BCOR: variants seen among roughly 807,000 people sequenced by gnomAD.
BCOR encodes the protein BCL6 corepressor.
Under a neutral mutation model 86.7 loss-of-function variants are expected in BCOR, and 10 were observed. The ratio of observed to expected loss-of-function variants is 0.12; its 90% CI spans 0.07 to 0.20. The LOEUF (loss-of-function observed/expected upper bound fraction) is 0.20, where lower values mean the gene tolerates loss of function less well. BCOR is among the 10% of genes least tolerant of loss of function. The pLI, the probability that BCOR is intolerant of heterozygous loss-of-function variation, is 1.00. For missense variants in BCOR, 1,259 were observed against 1,452.1 expected (o/e 0.87, Z 2.16); for synonymous variants, 611 against 609.0 (o/e 1.00, Z -0.05).
intron 10 of BCOR, among the ~76,000 whole-genome samples, chrX:40,060,291 AG>A (rs1040078505): frequency 5.3e-5 from 6 of 112,473 alleles, no homozygotes; most frequent in Non-Finnish European, 9.4e-5. Flanking sequence ...GACCTGGGAA[AG>A]TTCTATAATG....
At chrX:40,152,737 A>G (rs1177989394) in intron 1 of BCOR, among the ~76,000 whole-genome samples, 3 of 112,674 alleles carry the variant, frequency 2.7e-5, no homozygotes, top group Non-Finnish European at 5.6e-5. Context: ...GGAGGGAGTC[A>G]GCGCCTGCCC....
Position 40,074,805 on chromosome X carries a change from T to C in BCOR, c.541A>G (p.Ile181Val), listed in dbSNP as rs745654006. The C allele has an allele frequency of 7.4e-6, 9 of 1,209,930 alleles. No homozygotes were observed. The South Asian group carries it at 1.6e-4, about 21-fold the overall frequency. ...AGCCGCAGATAACTAGCACCATTGA[T>C]GTTGAGAGGGCTCTGTTTGTCGCTG... ...PASDKQSPLNINGASYLRLPW... is the reference protein window; with the variant it reads ...PASDKQSPLNVNGASYLRLPW... The change falls in exon 4 of 15, where the codon ATC (isoleucine) becomes GTC (valine). Residue 181 changes from isoleucine (I) to valine (V), a missense_variant. This residue lies in a region of BCOR where 174 missense variants were observed against 189.3 expected (regional missense o/e 0.92). Coordinates refer to ENST00000378444, the MANE Select transcript of BCOR (RefSeq NM_001123385.2).
chrX:40,054,659 T>C (rs1259177561), intron 12 of BCOR, among the ~76,000 whole-genome samples: 1 of 111,855 alleles, frequency 8.9e-6, no homozygotes, highest in Non-Finnish European at 1.9e-5. Flanking sequence ...CCCACCACCA[T>C]GCCCAGCTAA....
In BCOR at chrX:40,064,499, G is replaced by A. The variant is rs1226506629; in HGVS notation, c.3339C>T (p.Ser1113=). The stretch of plus-strand genomic sequence containing the variant: ...AGGCCACCTGGTCTGCGGGAGGCTC[G>A]CTCACAGGCTGCCTCTCCACAAAGT... ...EKYFVERQPV[S]EPPADQVASD... Residue 1113 remains serine (S), a synonymous_variant, in exon 7 of 15, where the codon AGC becomes AGT. Coordinates refer to ENST00000378444, the MANE Select transcript of BCOR (RefSeq NM_001123385.2). 3.6e-5 allele frequency: 43 copies of A among 1,210,933 alleles called. No homozygotes were observed. Among genetic ancestry groups the A allele is most frequent in the South Asian group, 5.3e-5 (3 of 56,896 alleles).
intron 1 of BCOR, among the ~76,000 whole-genome samples, chrX:40,085,551 T>G (rs963238907): frequency 1.8e-5 from 2 of 111,341 alleles, no homozygotes; most frequent in Admixed American, 1.9e-4. Context: ...TAGAAGTCCA[T>G]GTTAAAACTT....
chrX:40,132,963 A>T (rs1412874056), intron 1 of BCOR, among the ~76,000 whole-genome samples: 3 of 111,032 alleles, frequency 2.7e-5, no homozygotes, highest in Non-Finnish European at 3.8e-5. Flanking sequence ...CTGAACTGGC[A>T]CCCCAGGTGA....
At chrX:40,138,657 C>A (rs1464458496) in intron 1 of BCOR, among the ~76,000 whole-genome samples, 1 of 109,998 alleles carries the variant, frequency 9.1e-6, no homozygotes, top group Non-Finnish European at 1.9e-5. Context: ...CGGGTTCAAG[C>A]GATTCTCCTG....
chrX:40,098,932 T>C (rs1310093870), upstream of BCOR, among the ~76,000 whole-genome samples: 1 of 112,450 alleles, frequency 8.9e-6, no homozygotes, highest in Non-Finnish European at 1.9e-5. Context: ...GAGATCCGCC[T>C]GTATTTCTCC....
At chrX:40,159,338 GT>G (rs775309354) in intron 1 of BCOR, among the ~76,000 whole-genome samples, 1 of 111,802 alleles carries the variant, frequency 8.9e-6, no homozygotes, top group East Asian at 2.8e-4. Flanking sequence ...TCATAAAAGT[GT>G]TTTTTTTGTT....
intron 1 of BCOR, among the ~76,000 whole-genome samples, chrX:40,105,057 G>C (rs1272953866): frequency 1.8e-5 from 2 of 110,297 alleles, no homozygotes; most frequent in Non-Finnish European, 3.8e-5. Context: ...TCCCTGGCTG[G>C]CGCCGGGGCG....
intron 1 of BCOR, among the ~76,000 whole-genome samples, chrX:40,103,104 G>T (rs1390095686): frequency 1.2e-5 from 1 of 80,287 alleles, no homozygotes; most frequent in Non-Finnish European, 2.1e-5. Context: ...GGGGTGGGGT[G>T]GGGGGGCTCA....
intron 6 of BCOR, among the ~76,000 whole-genome samples, chrX:40,066,934 C>A (rs76816113): frequency 8.5e-5 from 7 of 82,713 alleles, no homozygotes; most frequent in Non-Finnish European, 1.2e-4. Context: ...CCCCCCCCCC[C>A]ATCAAATCCC....
chrX:40,146,934 T>C (rs747811156), intron 1 of BCOR, among the ~76,000 whole-genome samples: 128 of 112,153 alleles, frequency 1.1e-3, no homozygotes, highest in African/African-American at 4.1e-3. Context: ...AAGTTTACTT[T>C]CAAGGAGTTG....
chrX:40,109,254 G>A (rs1160818075), intron 1 of BCOR, among the ~76,000 whole-genome samples: 2 of 112,104 alleles, frequency 1.8e-5, no homozygotes, highest in Non-Finnish European at 3.8e-5. Flanking sequence ...CCCGGTCCTC[G>A]GCGCGGGTGC....
chrX:40,083,628 G>A (rs1200162033), intron 1 of BCOR, among the ~76,000 whole-genome samples: 1 of 111,928 alleles, frequency 8.9e-6, no homozygotes, highest in Non-Finnish European at 1.9e-5. Context: ...TCAGCCCGGA[G>A]CGCGATCGGT....
Position 40,073,252 on chromosome X carries a change from T to C in BCOR, c.2094A>G (p.Pro698=). The part of the protein sequence containing the change: ...NGSLFPGHLA[P]KPGLPYGLPT... ...GAAGCCCATAGGGCAGCCCAGGCTT[T>C]GGGGCAAGGTGCCCAGGAAACAGAC... The change falls in exon 4 of 15, where the codon CCA becomes CCG. Residue 698 remains proline, a synonymous_variant. Transcript: ENST00000378444. The C allele has an allele frequency of 8.3e-7, 1 of 1,211,878 alleles. No homozygotes were observed. The highest frequency in any genetic ancestry group is 3.0e-5 in the East Asian group (1 of 33,846).
intron 1 of BCOR, among the ~76,000 whole-genome samples, chrX:40,121,842 A>T (rs1414586505): frequency 2.7e-5 from 3 of 112,471 alleles, no homozygotes; most frequent in Non-Finnish European, 5.6e-5. Context: ...CCTGAGGAAG[A>T]GAAGGACAGC....
intron 1 of BCOR, among the ~76,000 whole-genome samples, chrX:40,155,980 AAACCCAGT>A (rs1446741046): frequency 1.8e-5 from 2 of 112,672 alleles, no homozygotes; most frequent in African/African-American, 6.5e-5. Flanking sequence ...TACAGAGCGA[AAACCCAGT>A]GGCTCCGAGT....
intron 1 of BCOR, among the ~76,000 whole-genome samples, chrX:40,136,930 A>C (rs965481173): frequency 1.3e-4 from 15 of 112,537 alleles, no homozygotes; most frequent in Non-Finnish European, 2.3e-4. Flanking sequence ...AAACCACAGC[A>C]GACCTCCAGA....
Sources: allele counts gnomAD v4.1 joint callset (sites outside exome capture counted in the v4.1 genomes callset), GRCh38; gene constraint gnomAD v4.1.1; regional missense constraint gnomAD v4.1.1; transcripts MANE v1.5; gene names NCBI Gene and HGNC (gene_info 2026-07-23, HGNC 2026-07-21).